The following FAIM2 variants were observed in gnomAD, a reference collection of about 807,000 sequenced individuals.
The protein encoded by FAIM2 is protein lifeguard 2.
In FAIM2, 27 loss-of-function variants were observed where a neutral mutation model predicts 47.4. That is an observed-to-expected ratio of 0.57 (90% CI 0.42 to 0.78). The LOEUF is 0.78. Among genes scored for constraint, FAIM2 ranks in the 30% least tolerant of loss-of-function variants. FAIM2 has a pLI of 0.00. For synonymous variants in FAIM2, 156 were observed against 159.3 expected, an observed-to-expected ratio of 0.98 and a Z score of 0.16; for missense variants, 311 against 389.4, an observed-to-expected ratio of 0.80 and a Z score of 1.69.
intron 6 of FAIM2, 79 bp downstream of exon 6, chr12:49,890,985 G>C: frequency 1.4e-6 from 2 of 1,418,528 alleles, no homozygotes; most frequent in Non-Finnish European, 2.0e-6. Context: ...CAGCTCACTG[G>C]TGGCTGGCAG....
At position 49,878,348 on chromosome 12, in the gene FAIM2, G is replaced by GTGGGCA. The variant is rs1191194095; in HGVS notation, c.802-7696_802-7695insTGCCCA. The stretch of plus-strand genomic sequence containing the variant: ...TATTTGTGTGCATGTGAGTGTATGT[G>GTGGGCA]TGTGCATGTGTGTATATGTGGGCAT... On this transcript the variant is annotated intron_variant, in intron 11 of 11. Coordinates refer to ENST00000320634, the MANE Select transcript of FAIM2 (RefSeq NM_012306.4). 3.5e-5 allele frequency among the ~76,000 whole-genome samples: 4 copies of GTGGGCA among 113,120 alleles called. 1 individual carries two copies. The South Asian group carries it at 9.3e-4, about 26-fold the overall frequency. 74.2% of individuals were successfully genotyped at this position (113,120 alleles called of 152,430 possible).
At chr12:49,891,258 C>G (rs1192620910) in intron 5 of FAIM2, 144 bp from the exon 6 acceptor site, 1 of 709,250 alleles carries the variant, frequency 1.4e-6, no homozygotes, top group African/African-American at 1.8e-5. Context: ...CATCCTAGAA[C>G]CTGGCAGTGG....
chr12:49,870,987 C>T (rs958572268), intron 11 of FAIM2, among the ~76,000 whole-genome samples: 9 of 152,174 alleles, frequency 5.9e-5, no homozygotes, highest in African/African-American at 1.7e-4. Context: ...TAACAAGGAG[C>T]CTCACCTATG....
chr12:49,900,144 C>T, intron 2 of FAIM2: 2 of 1,231,112 alleles, frequency 1.6e-6, no homozygotes, highest in South Asian at 1.3e-5. Flanking sequence ...AGGACACCCA[C>T]AAACACCAGA....
At chr12:49,898,115 A>G (rs1410638995) in intron 2 of FAIM2, 25 bp from the exon 3 acceptor site, 13 of 1,552,082 alleles carry the variant, frequency 8.4e-6, no homozygotes, top group African/African-American at 6.8e-5. Context: ...GAGGAGGAGG[A>G]CATGAGGGTT....
At chr12:49,879,730 GTGTC>G (rs1381668212) in intron 11 of FAIM2, among the ~76,000 whole-genome samples, 42 of 151,276 alleles carry the variant, frequency 2.8e-4, no homozygotes, top group Non-Finnish European at 3.4e-4. Context: ...GTGCAAGTGT[GTGTC>G]TGAGTGAATG....
intron 11 of FAIM2, among the ~76,000 whole-genome samples, chr12:49,880,007 C>A (rs1052852517): frequency 8.3e-6 from 1 of 121,162 alleles, no homozygotes; most frequent in Non-Finnish European, 1.8e-5. Context: ...TGCATATATG[C>A]GTGTGTATGT....
At position 49,903,296 on chromosome 12, in the gene FAIM2, G is replaced by C. The variant is rs575212744; in HGVS notation, c.15+482C>G. Among the ~76,000 whole-genome samples the C allele has an allele frequency of 5.9e-5, 9 of 152,376 alleles. 1 individual carries two copies. The South Asian group carries it at 1.9e-3, about 32-fold the overall frequency. On this transcript the variant is annotated intron_variant, in intron 1 of 11. Transcript: ENST00000320634. ...CACAGGGATGGAGCCAAGACGCCCA[G>C]ATGTGGAACAATGGCAGGGAGTAGG...
At chr12:49,877,074 G>C (rs1565612528) in intron 11 of FAIM2, among the ~76,000 whole-genome samples, 2 of 152,206 alleles carry the variant, frequency 1.3e-5, no homozygotes, top group Non-Finnish European at 2.9e-5. Flanking sequence ...CCTCTTCCTG[G>C]CTCTGCTCTG....
chr12:49,871,261 A>G (rs1038203860), intron 11 of FAIM2, among the ~76,000 whole-genome samples: 3 of 152,256 alleles, frequency 2.0e-5, no homozygotes, highest in African/African-American at 7.2e-5. Context: ...GGAAAGTGGC[A>G]AAGCCAAGAT....
Position 49,897,218 on chromosome 12 carries a change from C to G in FAIM2, c.381-134G>C, listed in dbSNP as rs370040529. The stretch of plus-strand genomic sequence containing the variant: ...CAAAGGAATGCAGCCCCTGGAGGCT[C>G]GGGGAGTCCCAGCCCACAGTCCCCG... On this transcript the variant is annotated intron_variant, in intron 4 of 11. Transcript: ENST00000320634. 26 of 785,740 alleles carry G rather than the reference C, an allele frequency of 3.3e-5. 2 individuals are homozygous for G. The Middle Eastern group carries it at 5.8e-3, about 175-fold the overall frequency. 48.7% of individuals were successfully genotyped at this position (785,740 alleles called of 1,614,324 possible).
At chr12:49,878,846 G>C (rs1173036645) in intron 11 of FAIM2, among the ~76,000 whole-genome samples, 1 of 59,876 alleles carries the variant, frequency 1.7e-5, no homozygotes, top group Non-Finnish European at 3.0e-5. Flanking sequence ...GTGTGTGCAT[G>C]TGTGTATGTG....
Position 49,889,557 on chromosome 12 carries a change from G to C in FAIM2, c.575C>G (p.Thr192Ser). The change falls in exon 9 of 12, where the codon ACC becomes AGC. Residue 192 changes from threonine to serine, a missense_variant. Transcript: ENST00000320634. ...LTGMLSSYYN[T>S]TSVLLCLGIT... The stretch of plus-strand genomic sequence containing the variant: ...GCCCAGGCACAGCAGCACGGAGGTG[G>C]TGTTGTAGTAGCTGAGGACCGTCAG... 6.2e-7 allele frequency: 1 copy of C among 1,614,002 alleles called. No homozygotes were observed. The highest frequency in any genetic ancestry group is 8.5e-7 in the Non-Finnish European group (1 of 1,179,902).
chr12:49,878,035 T>C (rs1946751939), intron 11 of FAIM2, among the ~76,000 whole-genome samples: 1 of 146,264 alleles, frequency 6.8e-6, no homozygotes, highest in Non-Finnish European at 1.5e-5. Flanking sequence ...TGTGGGTATG[T>C]GTATGCATGT....
chr12:49,885,683 G>A (rs910210255), intron 11 of FAIM2, among the ~76,000 whole-genome samples: 1 of 152,118 alleles, frequency 6.6e-6, no homozygotes, highest in Non-Finnish European at 1.5e-5. Context: ...ACCACATTGA[G>A]CCATTATCTT....
intron 11 of FAIM2, among the ~76,000 whole-genome samples, chr12:49,883,757 G>C (rs1448383489): frequency 3.3e-5 from 5 of 152,168 alleles, no homozygotes; most frequent in African/African-American, 9.7e-5. Context: ...CGCCTGGGTG[G>C]GTGGTGGCCT....
At chr12:49,879,435 CATGTGTAT>C (rs1227028992) in intron 11 of FAIM2, among the ~76,000 whole-genome samples, 2 of 126,614 alleles carry the variant, frequency 1.6e-5, no homozygotes, top group Admixed American at 8.6e-5. Context: ...TGTGTATGTG[CATGTGTAT>C]ATGTGTGTGC....
At chr12:49,897,372 T>A in intron 4 of FAIM2, 147 bp downstream of exon 4, 1 of 788,642 alleles carries the variant, frequency 1.3e-6, no homozygotes, top group Non-Finnish European at 2.1e-6. Context: ...GTGCCCTCTC[T>A]AAGGTTCTTT....
In FAIM2 at chr12:49,868,359, C is replaced by G. The variant is rs1372409300; in HGVS notation, c.*2145G>C. 1.3e-5 allele frequency: 2 copies of G among 152,256 alleles called. No individual in the cohort carries two copies. Among genetic ancestry groups the G allele is most frequent in the East Asian group, 3.9e-4 (2 of 5,192 alleles). The allele number at this position is 152,256 out of a possible 1,614,324, so 9.4% of individuals were successfully genotyped here. ...GATGGAAAAACTGAATTCCAGACAG[C>G]AAGAAACCCTCACCTAATAGCAGGA... On this transcript the variant is annotated 3_prime_UTR_variant, in exon 12 of 12. Transcript: ENST00000320634.
Sources: allele counts gnomAD v4.1 joint callset (sites outside exome capture counted in the v4.1 genomes callset), GRCh38; gene constraint gnomAD v4.1.1; transcripts MANE v1.5; gene names NCBI Gene and HGNC (gene_info 2026-07-23, HGNC 2026-07-21).